Variants in ABCA9 observed in about 807,000 individuals in gnomAD.
ABCA9 encodes the protein ATP-binding cassette sub-family A member 9.
ABCA9 carries 183 observed loss-of-function variants against 205.3 expected under a neutral mutation model. That is an observed-to-expected ratio of 0.89 (90% confidence interval 0.79 to 1.01). The LOEUF (loss-of-function observed/expected upper bound fraction) is 1.01. Ranked by LOEUF, ABCA9 falls within the 50% of genes least tolerant of loss-of-function variation. The probability of loss-of-function intolerance (pLI) is 0.00; values close to 1 mark genes in which losing one functional copy is unlikely to be tolerated. For missense variants in ABCA9, 1,805 were observed against 1,912.4 expected, an observed-to-expected ratio of 0.94 and a Z score of 1.05; for synonymous variants, 651 against 683.3, an observed-to-expected ratio of 0.95 and a Z score of 0.74.
intron 1 of ABCA9, among the ~76,000 whole-genome samples, chr17:69,057,088 C>G (rs980487893): frequency 6.6e-6 from 1 of 152,116 alleles, no homozygotes; most frequent in Non-Finnish European, 1.5e-5. Context: ...GTAGATGGCC[C>G]GCTTTTACTG....
At chr17:68,983,677 G>A in intron 36 of ABCA9, 32 bp downstream of exon 36, 1 of 1,608,212 alleles carries the variant, frequency 6.2e-7, no homozygotes, top group South Asian at 1.1e-5. Flanking sequence ...CAAAAACCAA[G>A]GACTGTGATA....
chr17:69,026,861 TCTC>T, intron 15 of ABCA9, 112 bp downstream of exon 15: 2 of 1,298,826 alleles, frequency 1.5e-6, no homozygotes, highest in Non-Finnish European at 2.1e-6. Flanking sequence ...AGAGCAAAAT[TCTC>T]CTGTCTTGGG....
chr17:68,990,773 G>A (rs2069423719), intron 29 of ABCA9, 64 bp downstream of exon 29: 7 of 1,582,992 alleles, frequency 4.4e-6, no homozygotes, highest in Non-Finnish European at 6.0e-6. Context: ...ACTAAACTTA[G>A]AAAGTTTCTC....
At chr17:69,041,867 T>A (rs2071556884) in intron 6 of ABCA9, among the ~76,000 whole-genome samples, 1 of 152,074 alleles carries the variant, frequency 6.6e-6, no homozygotes, top group Non-Finnish European at 1.5e-5. Context: ...CTTCTCCACT[T>A]CTCCACCCGG....
intron 23 of ABCA9, among the ~76,000 whole-genome samples, chr17:69,008,450 A>G (rs537828058): frequency 6.6e-6 from 1 of 152,362 alleles, no homozygotes; most frequent in Non-Finnish European, 1.5e-5. Flanking sequence ...GGGAAAACGC[A>G]CCAACATAAC....
At chr17:69,034,892 A>C (rs2071282924) in intron 8 of ABCA9, 1 of 158,630 alleles carries the variant, frequency 6.3e-6, no homozygotes, top group South Asian at 2.0e-4. Flanking sequence ...TTCATGTAGA[A>C]ATGAGCAATT....
At chr17:69,047,711 G>C (rs2071764751) in intron 3 of ABCA9, among the ~76,000 whole-genome samples, 1 of 152,192 alleles carries the variant, frequency 6.6e-6, no homozygotes, top group African/African-American at 2.4e-5. Flanking sequence ...CATTTGTGCA[G>C]GATGGCAAAG....
rs566187818 is a variant in ABCA9 at position 69,036,493 on chromosome 17, C to T, written c.801-692G>A. 8.2e-4 allele frequency among the ~76,000 whole-genome samples: 125 copies of T among 152,102 alleles called. 5 individuals carry two copies. In the South Asian group the frequency reaches 0.025, roughly 30 times the overall value. ...ACAAGCAAATGCTGAGGGATTTTGTCACCACCAGGCCTGCCTTTCAAGAGC... is the reference window on the plus strand; with the variant it reads ...ACAAGCAAATGCTGAGGGATTTTGTTACCACCAGGCCTGCCTTTCAAGAGC... On this transcript the variant is annotated intron_variant, in intron 6 of 38. Transcript: ENST00000340001.
At position 69,007,698 on chromosome 17, in the gene ABCA9, T is replaced by C. The variant is rs186442970; in HGVS notation, c.3435+61A>G. 101 of 1,111,658 alleles carry C rather than the reference T, an allele frequency of 9.1e-5. No individual in the cohort carries two copies. The African/African-American group carries it at 1.5e-3, about 17-fold the overall frequency. The allele number at this position is 1,111,658 out of a possible 1,614,324, so 68.9% of individuals were successfully genotyped here. On this transcript the variant is annotated intron_variant, in intron 25 of 38. Transcript: ENST00000340001. ...TTTGCCACTCTGCTTAGCACAAAGA[T>C]TAAACATGTTCTTGGATTTATGAAA...
At chr17:69,006,927 C>CA (rs1271379960) in intron 25 of ABCA9, among the ~76,000 whole-genome samples, 1 of 152,060 alleles carries the variant, frequency 6.6e-6, no homozygotes, top group African/African-American at 2.4e-5. Context: ...CTCTAGGTGA[C>CA]AGAGTATGAA....
intron 16 of ABCA9, among the ~76,000 whole-genome samples, chr17:69,024,626 G>T (rs1567952874): frequency 6.6e-6 from 1 of 152,128 alleles, no homozygotes; most frequent in Non-Finnish European, 1.5e-5. Flanking sequence ...GCCAGATCTT[G>T]CCTGGGGTGA....
chr17:69,003,004 T>G (rs2069947376), intron 25 of ABCA9, among the ~76,000 whole-genome samples: 1 of 147,352 alleles, frequency 6.8e-6, no homozygotes, highest in Non-Finnish European at 1.5e-5. Flanking sequence ...TTTGAGCCTA[T>G]GTGGGTCTCT....
At position 69,008,152 on chromosome 17, in the gene ABCA9, C is replaced by G. The variant is rs924535945; in HGVS notation, c.3231G>C (p.Leu1077=). 1 of 1,613,494 alleles carries G rather than the reference C, an allele frequency of 6.2e-7. No individual in the cohort carries two copies. The highest frequency in any genetic ancestry group is 1.3e-5 in the African/African-American group (1 of 74,988). The change falls in exon 24 of 39, where the codon CTG becomes CTC. Residue 1077 remains leucine (L), a synonymous_variant. Coordinates refer to ENST00000340001, the MANE Select transcript of ABCA9 (RefSeq NM_080283.4). Reference sequence around the variant, plus strand: ...GCATTAGCAGGAGGATCAAAAAGTACAGGGAAACATCCACCAGTGCTTGGC... The same window carrying G: ...GCATTAGCAGGAGGATCAAAAAGTAGAGGGAAACATCCACCAGTGCTTGGC... ...WFGQALVDVS[L]YFLILLLMQI... is the part of the protein sequence containing the mutation.
the ABCA9 span, among the ~76,000 whole-genome samples, chr17:69,072,033 A>G: frequency 4.6e-5 from 7 of 152,210 alleles, no homozygotes; most frequent in African/African-American, 1.7e-4. Flanking sequence ...AAGCATGAAG[A>G]CAAGATTAGA....
intron 22 of ABCA9, among the ~76,000 whole-genome samples, chr17:69,012,773 GATTAAATTATT>G (rs1025620615): frequency 9.2e-5 from 14 of 152,172 alleles, no homozygotes; most frequent in African/African-American, 3.4e-4. Flanking sequence ...TTAAGTATAT[GATTAAATTATT>G]ATTGACTAGA....
Position 69,020,484 on chromosome 17 carries a change from G to A in ABCA9, c.2504C>T (p.Thr835Ile). The A allele has an allele frequency of 6.8e-6, 11 of 1,614,036 alleles. No homozygotes were observed. Among genetic ancestry groups the A allele is most frequent in the Non-Finnish European group, 9.3e-6 (11 of 1,179,954 alleles). Reference sequence around the variant, plus strand: ...CCTCCAGAGCGCCACGCCACTGATTGTTTTCCTTGTTTCGTGGAAGGAAGA... The same window carrying A: ...CCTCCAGAGCGCCACGCCACTGATTATTTTCCTTGTTTCGTGGAAGGAAGA... The part of the protein sequence containing the change: ...VLSSFHETRK[T>I]ISGVALWRQQ... The change falls in exon 19 of 39, where the codon ACA (threonine) becomes ATA (isoleucine). Residue 835 changes from threonine to isoleucine, a missense_variant. Physicochemically the swap from Thr to Ile is moderately conservative, Grantham distance 89. Transcript: ENST00000340001.
the ABCA9 span, chr17:69,078,933 G>A: frequency 7.8e-7 from 1 of 1,285,792 alleles, no homozygotes; most frequent in Non-Finnish European, 1.1e-6. Context: ...TAAAACATGA[G>A]TTTATAGGAG....
At chr17:69,008,545 G>A (rs568631164) in intron 23 of ABCA9, among the ~76,000 whole-genome samples, 1 of 152,192 alleles carries the variant, frequency 6.6e-6, no homozygotes, top group Non-Finnish European at 1.5e-5. Flanking sequence ...TTCCTTCGAC[G>A]TGAAAACTTG....
intron 27 of ABCA9, 190 bp downstream of exon 27, chr17:68,992,826 G>C (rs7503121): frequency 2.1e-5 from 2 of 94,406 alleles, no homozygotes; most frequent in Non-Finnish European, 3.7e-5. Flanking sequence ...AAAAAAAAAA[G>C]GGGGGGGGTC....
Sources: gnomAD v4.1 joint callset for allele counts (sites outside exome capture counted in the v4.1 genomes callset) on GRCh38, gnomAD v4.1.1 for gene constraint, MANE v1.5 for transcripts, NCBI Gene and HGNC (gene_info 2026-07-23, HGNC 2026-07-21) for gene names.